The following UGT1A4 variants were observed in gnomAD, a reference collection of about 807,000 sequenced individuals.
UGT1A4 encodes the protein UDP-glucuronosyltransferase 1A4.
UGT1A4 carries 32 observed loss-of-function variants against 41.1 expected under a neutral mutation model. The observed-to-expected ratio is 0.78, with a 90% CI of 0.59 to 1.05. The LOEUF is 1.05. Ranked by LOEUF, UGT1A4 falls within the 50% of genes least tolerant of loss-of-function variation. The pLI, the probability that UGT1A4 is intolerant of heterozygous loss-of-function variation, is 0.00. For synonymous variants in UGT1A4, 283 were observed against 265.1 expected (o/e 1.07, Z -0.66); for missense variants, 748 against 677.4 (o/e 1.10, Z -1.16).
chr2:233,719,510 T>G lies in UGT1A4; in HGVS notation c.690T>G (p.Pro230=). The part of the protein sequence containing the change: ...LSYICHTFSA[P]YASLASELFQ... ...ACATTTGCCATACTTTTTCTGCCCCTTATGCAAGTCTTGCCTCTGAGCTTT... is the reference window on the plus strand; with the variant it reads ...ACATTTGCCATACTTTTTCTGCCCCGTATGCAAGTCTTGCCTCTGAGCTTT... Residue 230 remains proline (P), a synonymous_variant, in exon 1 of 5, where the codon CCT becomes CCG. Coordinates refer to ENST00000373409, the MANE Select transcript of UGT1A4 (RefSeq NM_007120.3). 1 of 1,614,000 alleles carries G rather than the reference T, an allele frequency of 6.2e-7. No homozygotes were observed.
At position 233,719,531 on chromosome 2, in the gene UGT1A4, G is replaced by A. The variant is rs377261801; in HGVS notation, c.711G>A (p.Glu237=). Residue 237 remains glutamate, a synonymous_variant, in exon 1 of 5, where the codon GAG becomes GAA. Transcript: ENST00000373409. ...CCCCTTATGCAAGTCTTGCCTCTGAGCTTTTTCAGAGAGAGGTGTCAGTGG... is the reference window on the plus strand; with the variant it reads ...CCCCTTATGCAAGTCTTGCCTCTGAACTTTTTCAGAGAGAGGTGTCAGTGG... The part of the protein sequence containing the change: ...FSAPYASLAS[E]LFQREVSVVD... 1.2e-6 allele frequency: 2 copies of A among 1,613,928 alleles called. No individual in the cohort carries two copies. Among genetic ancestry groups the A allele is most frequent in the Admixed American group, 1.7e-5 (1 of 60,018 alleles).
intron 4 of UGT1A4, chr2:233,770,928 C>T (rs1253258024): frequency 6.6e-6 from 1 of 152,180 alleles, no homozygotes; most frequent in African/African-American, 2.4e-5. Context: ...GCTGACATCA[C>T]TTGGCTGCCG....
At chr2:233,720,947 G>A (rs2076910008) in intron 1 of UGT1A4, among the ~76,000 whole-genome samples, 1 of 147,996 alleles carries the variant, frequency 6.8e-6, no homozygotes, top group Non-Finnish European at 1.5e-5. Context: ...CTGACCTCAT[G>A]TGATCTGCCC....
At chr2:233,725,989 G>C (rs2077488479) in intron 1 of UGT1A4, among the ~76,000 whole-genome samples, 1 of 152,034 alleles carries the variant, frequency 6.6e-6, no homozygotes, top group African/African-American at 2.4e-5. Context: ...AACGTGCTGA[G>C]ACTGCATCTC....
intron 1 of UGT1A4, chr2:233,729,208 A>C: frequency 6.2e-7 from 1 of 1,614,056 alleles, no homozygotes; most frequent in Non-Finnish European, 8.5e-7. Flanking sequence ...CTGGGCTGAG[A>C]GTGGAAAGGT....
chr2:233,742,633 C>A (rs1280681642), intron 1 of UGT1A4: 1 of 152,070 alleles, frequency 6.6e-6, no homozygotes, highest in African/African-American at 2.4e-5. Context: ...TGAAGACAGT[C>A]CTAGTATACC....
intron 1 of UGT1A4, among the ~76,000 whole-genome samples, chr2:233,724,109 G>T (rs1321159895): frequency 8.8e-6 from 1 of 113,982 alleles, no homozygotes; most frequent in African/African-American, 4.2e-5. Context: ...AGGGGCGGCC[G>T]GGCAGAGGCG....
intron 1 of UGT1A4, chr2:233,721,965 A>G (rs58524075): frequency 0.012 from 3,584 of 301,472 alleles, 120 homozygotes; most frequent in African/African-American, 0.073. Flanking sequence ...ATATGCATAC[A>G]TTGATGGCCT....
intron 1 of UGT1A4, chr2:233,748,105 C>A: frequency 6.2e-7 from 1 of 1,612,580 alleles, no homozygotes; most frequent in Admixed American, 1.7e-5. Context: ...TTCATCCAAT[C>A]AATGTTCCAG....
At chr2:233,750,094 G>C (rs1227492206) in intron 1 of UGT1A4, among the ~76,000 whole-genome samples, 2 of 151,908 alleles carry the variant, frequency 1.3e-5, no homozygotes, top group Non-Finnish European at 2.9e-5. Flanking sequence ...GAACAGTTTG[G>C]AGAGCTCAGA....
chr2:233,772,282 G>A lies in UGT1A4; in HGVS notation c.1328G>A (p.Arg443His), dbSNP rs748166510. The change falls in exon 5 of 5, where the codon CGC becomes CAC. Residue 443 changes from arginine to histidine, a missense_variant. Arg to His is a conservative substitution (Grantham distance 29). Transcript: ENST00000373409. ...TTTAGTTACAAGGAGAACATCATGC[G>A]CCTCTCCAGCCTTCACAAGGACCGC... ...NDKSYKENIM[R>H]LSSLHKDRPV... 13 of 1,614,078 alleles carry A rather than the reference G, an allele frequency of 8.1e-6. No homozygotes were observed. Among genetic ancestry groups the A allele is most frequent in the Middle Eastern group, 1.6e-4 (1 of 6,084 alleles).
intron 1 of UGT1A4, chr2:233,761,265 GC>G: frequency 2.5e-6 from 4 of 1,595,896 alleles, no homozygotes; most frequent in Non-Finnish European, 3.4e-6. Context: ...AATTTAAAAT[GC>G]CCTCTTTTGT....
chr2:233,750,970 G>T (rs1694602078), intron 1 of UGT1A4, among the ~76,000 whole-genome samples: 1 of 151,844 alleles, frequency 6.6e-6, no homozygotes, highest in South Asian at 2.1e-4. Flanking sequence ...GCACTGCCTA[G>T]TGGAGTTGTG....
chr2:233,755,002 C>G, intron 1 of UGT1A4: 1 of 1,294,350 alleles, frequency 7.7e-7, no homozygotes, highest in Non-Finnish European at 1.0e-6. Context: ...AAGCTGAAGA[C>G]CTACTCGAAG....
intron 1 of UGT1A4, among the ~76,000 whole-genome samples, chr2:233,739,630 G>A (rs535320958): frequency 6.6e-6 from 1 of 152,302 alleles, no homozygotes; most frequent in African/African-American, 2.4e-5. Context: ...CATTTGAAAT[G>A]GGAACATTTA....
At position 233,764,478 on chromosome 2, in the gene UGT1A4, C is replaced by T. The variant is rs370150887; in HGVS notation, c.868-2556C>T. ...TTCGTGATCTCCTGCTATTTAACTT[C>T]GAATGTTTATGGACCTGTGGGTTCA... On this transcript the variant is annotated intron_variant, in intron 1 of 4. Transcript: ENST00000373409. 3.4e-4 allele frequency among the ~76,000 whole-genome samples: 51 copies of T among 152,200 alleles called. 2 individuals are homozygous for T. Among genetic ancestry groups the T allele is most frequent in the East Asian group, 3.1e-3 (16 of 5,174 alleles).
intron 3 of UGT1A4, 56 bp from the exon 4 acceptor site, chr2:233,768,164 C>T: frequency 1.2e-6 from 2 of 1,613,412 alleles, no homozygotes; most frequent in Non-Finnish European, 1.7e-6. Flanking sequence ...CTAGATGTGT[C>T]CAGCTGTGAA....
rs574418679 is a variant in UGT1A4 at position 233,719,623 on chromosome 2, C to T, written c.803C>T (p.Pro268Leu). 4.0e-5 allele frequency: 64 copies of T among 1,614,006 alleles called. No individual in the cohort carries two copies. The highest frequency in any genetic ancestry group is 2.3e-4 in the African/African-American group (17 of 75,004). The change falls in exon 1 of 5, where the codon CCG becomes CTG. Residue 268 changes from proline to leucine, a missense_variant. By Grantham distance (98) the Pro-to-Leu change is moderately conservative (BLOSUM62 -3). Transcript: ENST00000373409. ...GACTTTGTGATGGACTACCCCAGGC[C>T]GATCATGCCCAACATGGTCTTCATT... ...RGDFVMDYPR[P>L]IMPNMVFIGG...
chr2:233,728,830 A>G (rs2077754446), intron 1 of UGT1A4, among the ~76,000 whole-genome samples: 1 of 152,224 alleles, frequency 6.6e-6, no homozygotes. Context: ...GGGTGTTCAC[A>G]GCCTTGTGTT....
Sources: allele counts gnomAD v4.1 joint callset (sites outside exome capture counted in the v4.1 genomes callset), GRCh38; gene constraint gnomAD v4.1.1; transcripts MANE v1.5; gene names NCBI Gene and HGNC (gene_info 2026-07-23, HGNC 2026-07-21).